Variants in DZIP3 observed in about 807,000 individuals in gnomAD.
The protein encoded by DZIP3 is DAZ interacting zinc finger protein 3, also known as E3 ubiquitin-protein ligase DZIP3.
A neutral mutation model predicts 162.0 loss-of-function variants in DZIP3; 118 were observed. The observed-to-expected ratio is 0.73, with a 90% CI of 0.63 to 0.85. DZIP3 has a LOEUF of 0.85. DZIP3 is among the 40% of genes least tolerant of loss of function. The pLI is 0.00. For missense variants in DZIP3, 1,331 were observed against 1,407.0 expected (o/e 0.95, Z 0.86); for synonymous variants, 438 against 458.6 (o/e 0.96, Z 0.57).
intron 18 of DZIP3, among the ~76,000 whole-genome samples, 188 bp from the exon 19 acceptor site, chr3:108,653,957 C>T (rs1942990431): frequency 6.6e-6 from 1 of 152,056 alleles, no homozygotes; most frequent in Non-Finnish European, 1.5e-5. Flanking sequence ...TTTAAATATG[C>T]TAATATTCAT....
intron 1 of DZIP3, among the ~76,000 whole-genome samples, chr3:108,600,612 C>T (rs1263318861): frequency 6.6e-6 from 1 of 152,092 alleles, no homozygotes; most frequent in Admixed American, 6.5e-5. Context: ...TTCTCCTTCA[C>T]AGTAGGGAAT....
intron 22 of DZIP3, 22 bp from the exon 23 acceptor site, chr3:108,672,538 C>CT: frequency 6.3e-7 from 1 of 1,593,188 alleles, no homozygotes; most frequent in South Asian, 1.1e-5. Context: ...TATTGCGAGT[C>CT]TTTAATGATC....
chr3:108,594,683 G>C (rs1939618229), intron 1 of DZIP3, among the ~76,000 whole-genome samples: 1 of 151,966 alleles, frequency 6.6e-6, no homozygotes, highest in Non-Finnish European at 1.5e-5. Context: ...TTATGAGTAA[G>C]AATATGCGGT....
Position 108,636,708 on chromosome 3 carries a change from GGTGA to G in DZIP3, c.1011+3_1011+6del, listed in dbSNP as rs751832070. ...ATGTACCTGGAATTGTTAAAATTTTGGTGAGTATCTTGTTTTGTCCTTTTTTTTT... is the reference window on the plus strand; with the variant it reads ...ATGTACCTGGAATTGTTAAAATTTTGGTATCTTGTTTTGTCCTTTTTTTTT... On this transcript the variant is annotated splice_donor_variant and splice_donor_region_variant and intron_variant, in intron 11 of 32. Coordinates refer to ENST00000361582, the MANE Select transcript of DZIP3 (RefSeq NM_014648.4). LOFTEE classifies it high-confidence loss of function. 1.9e-6 allele frequency: 3 copies of G among 1,559,910 alleles called. No homozygotes were observed. Among genetic ancestry groups the G allele is most frequent in the Non-Finnish European group, 2.6e-6 (3 of 1,160,132 alleles).
At chr3:108,601,468 G>A (rs1940012980) in intron 1 of DZIP3, among the ~76,000 whole-genome samples, 1 of 152,138 alleles carries the variant, frequency 6.6e-6, no homozygotes, top group Non-Finnish European at 1.5e-5. Flanking sequence ...TCCTGAAAAA[G>A]ACAAAATATA....
At chr3:108,622,836 G>GTC (rs368466391) in intron 5 of DZIP3, among the ~76,000 whole-genome samples, 5 of 62,840 alleles carry the variant, frequency 8.0e-5, no homozygotes, top group African/African-American at 3.0e-4. Context: ...AACAAACAGA[G>GTC]TCTCTCTCTC....
At chr3:108,679,337 C>T (rs1944221400) in intron 26 of DZIP3, among the ~76,000 whole-genome samples, 1 of 152,092 alleles carries the variant, frequency 6.6e-6, no homozygotes, top group African/African-American at 2.4e-5. Flanking sequence ...CCTCCAGACC[C>T]TCCAGATCCT....
chr3:108,623,961 C>T (rs917229608), intron 5 of DZIP3, among the ~76,000 whole-genome samples: 3 of 152,228 alleles, frequency 2.0e-5, no homozygotes, highest in Non-Finnish European at 2.9e-5. Context: ...CAGATTCTCT[C>T]TCCATGTCAC....
At chr3:108,648,850 A>G in intron 16 of DZIP3, 68 bp from the exon 17 acceptor site, 1 of 843,886 alleles carries the variant, frequency 1.2e-6, no homozygotes, top group Non-Finnish European at 1.6e-6. Context: ...GAGAGGAAAT[A>G]TATTTTGCAA....
chr3:108,676,804 T>A (rs1944127658), intron 25 of DZIP3, among the ~76,000 whole-genome samples: 1 of 152,244 alleles, frequency 6.6e-6, no homozygotes, highest in South Asian at 2.1e-4. Context: ...TCCAAGCACA[T>A]GTCCTCCATG....
Position 108,661,873 on chromosome 3 carries a change from A to T in DZIP3, c.2200-4A>T. ...AATACATGCATATTTCCTGTGCTCA[A>T]TAGGGCTCAGCTGGCAAAGTAACTA... On this transcript the variant is annotated splice_polypyrimidine_tract_variant and splice_region_variant and intron_variant, in intron 19 of 32. Transcript: ENST00000361582. 1.2e-6 allele frequency: 2 copies of T among 1,612,378 alleles called. No individual in the cohort carries two copies. The highest frequency in any genetic ancestry group is 1.3e-5 in the African/African-American group (1 of 74,932).
At chr3:108,653,495 T>TTG (rs1306534707) in intron 18 of DZIP3, among the ~76,000 whole-genome samples, 159 of 99,110 alleles carry the variant, frequency 1.6e-3, no homozygotes, top group South Asian at 3.6e-3. Context: ...TTAATTGCCA[T>TTG]TGTGTGTGTG....
At chr3:108,673,699 C>T (rs1436063922) in intron 23 of DZIP3, among the ~76,000 whole-genome samples, 1 of 151,948 alleles carries the variant, frequency 6.6e-6, no homozygotes, top group African/African-American at 2.4e-5. Flanking sequence ...TGTTCTCAAA[C>T]TTTACTGCAT....
intron 16 of DZIP3, 130 bp from the exon 17 acceptor site, chr3:108,648,788 A>G: frequency 2.4e-6 from 1 of 413,674 alleles, no homozygotes; most frequent in Non-Finnish European, 4.0e-6. Context: ...TTGTTTCCAT[A>G]GAATCTAGAA....
chr3:108,642,356 T>G, intron 12 of DZIP3, 82 bp from the exon 13 acceptor site: 1 of 1,350,570 alleles, frequency 7.4e-7, no homozygotes, highest in Non-Finnish European at 9.9e-7. Context: ...AAATACTCAC[T>G]TAGCCATGCT....
At chr3:108,625,380 A>G (rs1242109438) in intron 6 of DZIP3, among the ~76,000 whole-genome samples, 4 of 152,220 alleles carry the variant, frequency 2.6e-5, no homozygotes, top group Middle Eastern at 3.2e-3. Context: ...TCTAACAGTT[A>G]TCAGAAAAGC....
chr3:108,622,511 G>A (rs1054671303), intron 5 of DZIP3, among the ~76,000 whole-genome samples: 1 of 152,150 alleles, frequency 6.6e-6, no homozygotes, highest in African/African-American at 2.4e-5. Flanking sequence ...TTTCCTGGAT[G>A]GTCTTGATGC....
At chr3:108,675,240 A>G (rs1244338608) in intron 24 of DZIP3, among the ~76,000 whole-genome samples, 1 of 152,018 alleles carries the variant, frequency 6.6e-6, no homozygotes, top group Non-Finnish European at 1.5e-5. Context: ...TGATAAAACT[A>G]TTGTTTGTGC....
At chr3:108,616,306 A>AAAT (rs1321745588) in intron 4 of DZIP3, among the ~76,000 whole-genome samples, 24 of 147,380 alleles carry the variant, frequency 1.6e-4, no homozygotes, top group Non-Finnish European at 2.4e-4. Context: ...ATAAATAAAT[A>AAAT]AAATAAAATT....
Sources: gnomAD v4.1 joint callset for allele counts (sites outside exome capture counted in the v4.1 genomes callset) on GRCh38, gnomAD v4.1.1 for gene constraint, MANE v1.5 for transcripts, NCBI Gene and HGNC (gene_info 2026-07-23, HGNC 2026-07-21) for gene names.